Variants in ZNF276 observed in about 807,000 individuals in gnomAD.
ZNF276 encodes the protein zinc finger protein 276.
A neutral mutation model predicts 63.9 loss-of-function variants in ZNF276; 59 were observed. The ratio of observed to expected loss-of-function variants is 0.92; its 90% CI spans 0.75 to 1.15. ZNF276 has a LOEUF of 1.15. Among genes scored for constraint, ZNF276 ranks in the 50% most tolerant of loss-of-function variants. ZNF276 has a pLI of 0.00. For synonymous variants in ZNF276, 496 were observed against 348.4 expected, an observed-to-expected ratio of 1.42 and a Z score of -4.72; for missense variants, 1,084 against 843.8, an observed-to-expected ratio of 1.28 and a Z score of -3.53.
upstream of ZNF276, chr16:89,721,266 C>T: frequency 4.3e-6 from 1 of 233,240 alleles, no homozygotes; most frequent in Non-Finnish European, 8.3e-6. Context: ...CCCGCGCCTC[C>T]GTCTCCCACG....
Position 89,721,793 on chromosome 16 carries a change from G to C in ZNF276, c.153G>C (p.Trp51Cys), listed in dbSNP as rs1391462094. ...ACGGGGCGACGGCGCGGCGCGCCTG[G>C]GGCCCGGTGGGGTCCTGCGGGGACG... The part of the protein sequence containing the change: ...RVDGATARRA[W>C]GPVGSCGDAG... Residue 51 changes from tryptophan (W) to cysteine (C), a missense_variant, in exon 1 of 11, where the codon TGG becomes TGC. Physicochemically the swap from Trp to Cys is radical, Grantham distance 215 (BLOSUM62 -2). Transcript: ENST00000443381. 8.0e-7 allele frequency: 1 copy of C among 1,256,056 alleles called. No individual in the cohort carries two copies. Among genetic ancestry groups the C allele is most frequent in the Admixed American group, 4.3e-5 (1 of 23,376 alleles). 77.8% of individuals were successfully genotyped at this position (1,256,056 alleles called of 1,614,324 possible). A position where few individuals can be genotyped will look rare whatever the true frequency, so the allele number is the denominator to read the frequency against.
Position 89,740,178 on chromosome 16 carries a change from G to A in ZNF276, c.*1932G>A. ...GTAGGAGGGTACAGCCCTCAGCACA[G>A]AAGAGGGCATTTCCTCTTTGCTTAT... On this transcript the variant is annotated 3_prime_UTR_variant, in exon 11 of 11. Coordinates refer to ENST00000443381, the MANE Select transcript of ZNF276 (RefSeq NM_001113525.2). The A allele has an allele frequency of 9.0e-7, 1 of 1,106,398 alleles. No individual in the cohort carries two copies. The highest frequency in any genetic ancestry group is 1.4e-6 in the Non-Finnish European group (1 of 718,346). The allele number at this position is 1,106,398 out of a possible 1,614,324, so 68.5% of individuals were successfully genotyped here. A position where few individuals can be genotyped will look rare whatever the true frequency, so the allele number is the denominator to read the frequency against.
At chr16:89,736,183 G>A (rs939768462) in intron 9 of ZNF276, among the ~76,000 whole-genome samples, 6 of 152,072 alleles carry the variant, frequency 3.9e-5, no homozygotes, top group South Asian at 2.1e-4. Flanking sequence ...GAGCCATGAC[G>A]CCTGGGTAAT....
At chr16:89,720,706 G>A, upstream of ZNF276, 1 of 1,339,972 alleles carries the variant, frequency 7.5e-7, no homozygotes, top group South Asian at 1.8e-5. Flanking sequence ...CTCCCCGGGC[G>A]GGGGTCCCTC....
chr16:89,733,537 C>T lies in ZNF276; in HGVS notation c.1336C>T (p.Arg446Ter), dbSNP rs750786267. Residue 446 changes from arginine to a stop codon, truncating the protein, a stop_gained, in exon 8 of 11, where the codon CGA becomes TGA. Coordinates refer to ENST00000443381, the MANE Select transcript of ZNF276 (RefSeq NM_001113525.2). LOFTEE classifies it high-confidence loss of function. The part of the protein sequence containing the change: ...CPYQGCTAVY[R>*]GADGMKKHIK... ...TTACCAGGGCTGCACGGCCGTGTAC[C>T]GAGGCGCTGACGGCATGAAGGTGAG... is the stretch of plus-strand genomic sequence containing the variant. The T allele has an allele frequency of 8.7e-6, 14 of 1,613,980 alleles. No homozygotes were observed. The highest frequency in any genetic ancestry group is 1.1e-5 in the Non-Finnish European group (13 of 1,180,030).
chr16:89,734,427 TC>T (rs1296684559), intron 9 of ZNF276, among the ~76,000 whole-genome samples: 4 of 152,094 alleles, frequency 2.6e-5, no homozygotes, highest in Non-Finnish European at 5.9e-5. Flanking sequence ...CCAGGTTCAA[TC>T]AATTCTCCCG....
chr16:89,723,381 C>G lies in ZNF276; in HGVS notation c.678C>G (p.Gly226=). ...GGACACTGTCCTCCGAGTACTGCGG[C>G]GTCATCCAGGTCGTGTGGGGCTGCG... The part of the protein sequence containing the change: ...LQRTLSSEYC[G]VIQVVWGCDQ... The change falls in exon 4 of 11, where the codon GGC becomes GGG. Residue 226 remains glycine (G), a synonymous_variant. Coordinates refer to ENST00000443381, the MANE Select transcript of ZNF276 (RefSeq NM_001113525.2). The G allele has an allele frequency of 1.9e-6, 3 of 1,613,046 alleles. No individual in the cohort carries two copies. Among genetic ancestry groups the G allele is most frequent in the Non-Finnish European group, 2.5e-6 (3 of 1,180,040 alleles).
chr16:89,730,314 G>T (rs1034974985), intron 6 of ZNF276, among the ~76,000 whole-genome samples: 4 of 152,268 alleles, frequency 2.6e-5, no homozygotes, highest in African/African-American at 9.6e-5. Context: ...GCCGCCTGAG[G>T]CTGCTGTACG....
Position 89,738,471 on chromosome 16 carries a change from T to C in ZNF276, c.*225T>C. 6.8e-7 allele frequency: 1 copy of C among 1,466,544 alleles called. No homozygotes were observed. The highest frequency in any genetic ancestry group is 9.4e-7 in the Non-Finnish European group (1 of 1,067,502). 90.8% of individuals were successfully genotyped at this position (1,466,544 alleles called of 1,614,324 possible). A position where few individuals can be genotyped will look rare whatever the true frequency, so the allele number is the denominator to read the frequency against. ...TCGGGGCCGGACAGTTCATAAATAA[T>C]TGATTCCTTTCCCCACTAAAGCAGT... On this transcript the variant is annotated 3_prime_UTR_variant, in exon 11 of 11. Coordinates refer to ENST00000443381, the MANE Select transcript of ZNF276 (RefSeq NM_001113525.2).
Position 89,723,171 on chromosome 16 carries a change from G to A in ZNF276, c.544G>A (p.Gly182Arg). The change falls in exon 3 of 11, where the codon GGA becomes AGA. Residue 182 changes from glycine to arginine, a missense_variant. Gly to Arg is a moderately radical substitution (Grantham distance 125, BLOSUM62 -2). Coordinates refer to ENST00000443381, the MANE Select transcript of ZNF276 (RefSeq NM_001113525.2). ...CCAGCCCCCAACAGGGGCAGAGGAG[G>A]GAGCGTGTCTGGGTGAGTCCTCCCC... ...GAQPPTGAEEGACLVDLITSS... is the reference protein window; with the variant it reads ...GAQPPTGAEERACLVDLITSS... 6.2e-7 allele frequency: 1 copy of A among 1,613,236 alleles called. No homozygotes were observed. The highest frequency in any genetic ancestry group is 8.5e-7 in the Non-Finnish European group (1 of 1,180,032).
At chr16:89,722,104 G>A (rs941726116) in intron 1 of ZNF276, among the ~76,000 whole-genome samples, 2 of 152,124 alleles carry the variant, frequency 1.3e-5, no homozygotes, top group Non-Finnish European at 2.9e-5. Flanking sequence ...CTGTCACCGC[G>A]GGCAGGTCGC....
At chr16:89,727,817 C>T (rs534434081) in intron 5 of ZNF276, among the ~76,000 whole-genome samples, 1 of 152,230 alleles carries the variant, frequency 6.6e-6, no homozygotes, top group African/African-American at 2.4e-5. Context: ...AGTAGAGAAA[C>T]CCCGACTTTA....
chr16:89,731,654 G>C (rs998185917), intron 6 of ZNF276: 1 of 152,248 alleles, frequency 6.6e-6, no homozygotes. Flanking sequence ...AGCCCTGTGC[G>C]CTCAAGTGAG....
intron 9 of ZNF276, among the ~76,000 whole-genome samples, chr16:89,737,112 CA>C (rs1415789883): frequency 1.8e-4 from 28 of 152,238 alleles, no homozygotes; most frequent in Admixed American, 1.2e-3. Context: ...GCCAGTACAG[CA>C]ATGCATACCC....
In ZNF276 at chr16:89,740,354, C is replaced by G. The variant is rs2062098402; in HGVS notation, c.*2108C>G. 1 of 537,320 alleles carries G rather than the reference C, an allele frequency of 1.9e-6. No homozygotes were observed. Among genetic ancestry groups the G allele is most frequent in the East Asian group, 3.2e-5 (1 of 31,040 alleles). The allele number at this position is 537,320 out of a possible 1,614,324, so 33.3% of individuals were successfully genotyped here. Reference sequence around the variant, plus strand: ...CAAATAAGACATTAAAAGAAAGGCCCACAGGCCGGATGCAGTGGCTCATGC... The same window carrying G: ...CAAATAAGACATTAAAAGAAAGGCCGACAGGCCGGATGCAGTGGCTCATGC... On this transcript the variant is annotated 3_prime_UTR_variant, in exon 11 of 11. Transcript: ENST00000443381.
chr16:89,734,041 A>G lies in ZNF276; in HGVS notation c.1474+3A>G. ...CCACGTGAAGCTCATCCACACAGGT[A>G]CGCCTATCGCCAGTGTCGCCCACGC... is the stretch of plus-strand genomic sequence containing the variant. On this transcript the variant is annotated splice_donor_region_variant and intron_variant, in intron 9 of 10. Transcript: ENST00000443381. 3 of 1,613,704 alleles carry G rather than the reference A, an allele frequency of 1.9e-6. No homozygotes were observed. Among genetic ancestry groups the G allele is most frequent in the Non-Finnish European group, 2.5e-6 (3 of 1,179,784 alleles).
At chr16:89,733,879 C>T (rs367839625) in intron 8 of ZNF276, 42 bp from the exon 9 acceptor site, 90 of 1,593,702 alleles carry the variant, frequency 5.6e-5, no homozygotes, top group Non-Finnish European at 6.4e-5. Context: ...CCATGTGGCC[C>T]GGGTGCGGCT....
Position 89,740,062 on chromosome 16 carries a change from G to T in ZNF276, c.*1816G>T. On this transcript the variant is annotated 3_prime_UTR_variant, in exon 11 of 11. Transcript: ENST00000443381. ...CTTCTCTAAACACTCGAGGATTGCT[G>T]CACAAACGTGGAAAGCCTTTGGCAG... is the stretch of plus-strand genomic sequence containing the variant. The T allele has an allele frequency of 6.2e-7, 1 of 1,614,186 alleles. No individual in the cohort carries two copies. Among genetic ancestry groups the T allele is most frequent in the Non-Finnish European group, 8.5e-7 (1 of 1,180,034 alleles).
At position 89,738,802 on chromosome 16, in the gene ZNF276, C is replaced by T. The variant is rs34602467; in HGVS notation, c.*556C>T. 1.2e-6 allele frequency: 2 copies of T among 1,613,482 alleles called. No individual in the cohort carries two copies. The highest frequency in any genetic ancestry group is 3.3e-5 in the Admixed American group (2 of 59,880). Reference sequence around the variant, plus strand: ...GGCAGAAATAGTCGAGTTGTATTGCCAGCCAGGCAGGCACATGGCCCAGGC... The same window carrying T: ...GGCAGAAATAGTCGAGTTGTATTGCTAGCCAGGCAGGCACATGGCCCAGGC... On this transcript the variant is annotated 3_prime_UTR_variant, in exon 11 of 11. Coordinates refer to ENST00000443381, the MANE Select transcript of ZNF276 (RefSeq NM_001113525.2).
Sources: allele counts gnomAD v4.1 joint callset (sites outside exome capture counted in the v4.1 genomes callset), GRCh38; gene constraint gnomAD v4.1.1; transcripts MANE v1.5; gene names NCBI Gene and HGNC (gene_info 2026-07-23, HGNC 2026-07-21).